Variants in CDH18 observed in about 807,000 individuals in gnomAD.
CDH18 encodes the protein cadherin-18.
Under a neutral mutation model 67.9 loss-of-function variants are expected in CDH18, and 31 were observed. The ratio of observed to expected loss-of-function variants is 0.46; its 90% CI spans 0.34 to 0.62. CDH18 has a LOEUF of 0.62. Among genes scored for constraint, CDH18 ranks in the 20% least tolerant of loss-of-function variants. CDH18 has a pLI of 0.01. For missense variants in CDH18, 890 were observed against 975.5 expected (o/e 0.91, Z 1.17); for synonymous variants, 362 against 347.2 (o/e 1.04, Z -0.48).
At chr5:20,230,454 T>G (rs544476713) in intron 2 of CDH18, among the ~76,000 whole-genome samples, 9 of 152,204 alleles carry the variant, frequency 5.9e-5, no homozygotes, top group Non-Finnish European at 7.4e-5. Context: ...AAAACTGAGC[T>G]TCCTAAAGCA....
At chr5:19,664,633 G>T (rs1451325461) in intron 5 of CDH18, among the ~76,000 whole-genome samples, 1 of 151,880 alleles carries the variant, frequency 6.6e-6, no homozygotes, top group African/African-American at 2.4e-5. Flanking sequence ...AAATTCAAAT[G>T]AGTCTCCCCT....
At position 19,520,752 on chromosome 5, in the gene CDH18, T is replaced by G. The variant is rs142033128; in HGVS notation, c.1417A>C (p.Thr473Pro). 229 of 1,613,390 alleles carry G rather than the reference T, an allele frequency of 1.4e-4. 2 individuals carry two copies. The East Asian group carries it at 2.6e-3, about 18-fold the overall frequency. Residue 473 changes from threonine (T) to proline (P), a missense_variant, in exon 10 of 13, where the codon ACA becomes CCA. Physicochemically the swap from Thr to Pro is conservative, Grantham distance 38. Coordinates refer to ENST00000382275, the MANE Select transcript of CDH18 (RefSeq NM_004934.5). ...ACATCCAGAACTCTAATACCCACTG[T>G]GACATGGCTCAGCAAATCAGGATTA... The part of the protein sequence containing the change: ...IDNPDLLSHV[T>P]VGIRVLDVND...
chr5:19,617,005 T>C (rs1044046958), intron 5 of CDH18, among the ~76,000 whole-genome samples: 1 of 152,122 alleles, frequency 6.6e-6, no homozygotes, highest in Non-Finnish European at 1.5e-5. Context: ...AAAGGCCTCA[T>C]CTCCAAATAC....
At chr5:20,463,027 A>C (rs1435166875) in intron 1 of CDH18, among the ~76,000 whole-genome samples, 3 of 152,146 alleles carry the variant, frequency 2.0e-5, no homozygotes, top group Non-Finnish European at 4.4e-5. Flanking sequence ...AGAAAATATC[A>C]CTTTGTTCGA....
Position 19,706,905 on chromosome 5 carries a change from T to G in CDH18, c.643+14442A>C, listed in dbSNP as rs552860002. Among the ~76,000 whole-genome samples the G allele has an allele frequency of 3.3e-4, 50 of 152,268 alleles. 1 individual carries two copies. Among genetic ancestry groups the G allele is most frequent in the African/African-American group, 1.2e-3 (48 of 41,570 alleles). On this transcript the variant is annotated intron_variant, in intron 5 of 12. Transcript: ENST00000382275. The stretch of plus-strand genomic sequence containing the variant: ...GAATCTAGCATTATTGACTTTAAAT[T>G]TTTTGAGCCTGCCTAAAGGCCAGAT...
chr5:20,280,370 C>A (rs969002835), intron 1 of CDH18, among the ~76,000 whole-genome samples: 3 of 152,090 alleles, frequency 2.0e-5, no homozygotes, highest in African/African-American at 7.2e-5. Context: ...TCCTCCCACC[C>A]AACAAAAGGC....
chr5:19,488,670 C>T (rs186947964), intron 11 of CDH18, among the ~76,000 whole-genome samples: 13 of 152,176 alleles, frequency 8.5e-5, no homozygotes, highest in South Asian at 6.2e-4. Flanking sequence ...TTTCCATAAT[C>T]GGTACTTGAT....
At chr5:20,464,008 C>A (rs987287297) in intron 1 of CDH18, among the ~76,000 whole-genome samples, 6 of 152,074 alleles carry the variant, frequency 3.9e-5, no homozygotes, top group African/African-American at 1.4e-4. Flanking sequence ...AAAACCATGC[C>A]TTTATCTCTA....
At position 20,337,385 on chromosome 5, in the gene CDH18, G is replaced by A. The variant is rs375995915; in HGVS notation, c.-579-81880C>T. ...CAATGCCTTTAGCAGCACCCAAGTC[G>A]CCTTTAGCAGCATCCAAGTCACCTC... On this transcript the variant is annotated intron_variant, in intron 1 of 14. Transcript: ENST00000507958. Among the ~76,000 whole-genome samples the A allele has an allele frequency of 2.2e-4, 33 of 152,176 alleles. 1 individual carries two copies. The highest frequency in any genetic ancestry group is 3.4e-3 in the Middle Eastern group (1 of 294).
chr5:20,210,790 AATT>A (rs1480412727), intron 2 of CDH18, among the ~76,000 whole-genome samples: 1 of 151,986 alleles, frequency 6.6e-6, no homozygotes, highest in African/African-American at 2.4e-5. Flanking sequence ...AATAGTTCAT[AATT>A]ATTATTACTA....
intron 11 of CDH18, among the ~76,000 whole-genome samples, chr5:19,497,342 A>C (rs755344917): frequency 3.9e-5 from 6 of 152,206 alleles, no homozygotes; most frequent in Admixed American, 2.6e-4. Context: ...GAATGGATGT[A>C]TTTGTTCTTA....
chr5:20,047,794 T>C (rs543392324), intron 2 of CDH18, among the ~76,000 whole-genome samples: 1 of 151,352 alleles, frequency 6.6e-6, no homozygotes, highest in African/African-American at 2.4e-5. Flanking sequence ...GGATTTAAAC[T>C]GCTTCCTAAG....
In CDH18 at chr5:20,272,448, T is replaced by C. The variant is rs574725669; in HGVS notation, c.-579-16943A>G. On this transcript the variant is annotated intron_variant, in intron 1 of 14. Transcript: ENST00000507958. ...CAGTATGTTGAGGGAGTAGATAAAG[T>C]TTTGTTTTCTTAGATTAGAAAAAAA... Among the ~76,000 whole-genome samples, 5 of 152,138 alleles carry C rather than the reference T, an allele frequency of 3.3e-5. No individual in the cohort carries two copies. In the South Asian group the frequency reaches 1.0e-3, roughly 31 times the overall value.
chr5:20,088,637 C>T lies in CDH18; in HGVS notation c.-517-96623G>A, dbSNP rs369638751. ...AAAAAATCAGGGCCAGAATGCAGAT[C>T]GACTCTGGCCAGGAGTGGAAGCATT... On this transcript the variant is annotated intron_variant, in intron 2 of 14. Transcript: ENST00000507958. 6.8e-4 allele frequency among the ~76,000 whole-genome samples: 103 copies of T among 152,148 alleles called. 1 individual carries two copies. The South Asian group carries it at 0.018, about 26-fold the overall frequency.
chr5:19,982,963 G>A (rs1032738996), intron 1 of CDH18, among the ~76,000 whole-genome samples: 1 of 149,480 alleles, frequency 6.7e-6, no homozygotes, highest in Non-Finnish European at 1.5e-5. Context: ...AGAATCGCTT[G>A]AACCTGGGAG....
chr5:19,930,541 T>A (rs1050909179), intron 2 of CDH18, among the ~76,000 whole-genome samples: 6 of 152,078 alleles, frequency 3.9e-5, no homozygotes, highest in African/African-American at 1.4e-4. Context: ...TCTACAATCA[T>A]ATCAATCAAG....
At chr5:19,661,011 T>C (rs1451694657) in intron 5 of CDH18, among the ~76,000 whole-genome samples, 1 of 151,682 alleles carries the variant, frequency 6.6e-6, no homozygotes, top group African/African-American at 2.4e-5. Flanking sequence ...AAAAAACTCA[T>C]TTTCAGTGGG....
chr5:20,454,600 C>G (rs1214835312), intron 1 of CDH18, among the ~76,000 whole-genome samples: 4 of 152,024 alleles, frequency 2.6e-5, no homozygotes, highest in African/African-American at 9.7e-5. Flanking sequence ...GGGACTTTAT[C>G]CTTCTTTATC....
chr5:20,017,412 C>T (rs1390531789), intron 2 of CDH18, among the ~76,000 whole-genome samples: 2 of 151,958 alleles, frequency 1.3e-5, no homozygotes, highest in African/African-American at 4.8e-5. Flanking sequence ...AATAAACTGT[C>T]TATATGAGTA....
Sources: gnomAD v4.1 joint callset for allele counts (sites outside exome capture counted in the v4.1 genomes callset) on GRCh38, gnomAD v4.1.1 for gene constraint, MANE v1.5 for transcripts, NCBI Gene and HGNC (gene_info 2026-07-23, HGNC 2026-07-21) for gene names.